The following SCAMP4 variants were observed in gnomAD, a reference collection of about 807,000 sequenced individuals.
SCAMP4 encodes the protein secretory carrier membrane protein 4.
A neutral mutation model predicts 32.1 loss-of-function variants in SCAMP4; 19 were observed. The ratio of observed to expected loss-of-function variants is 0.59; its 90% confidence interval spans 0.41 to 0.87. The LOEUF (loss-of-function observed/expected upper bound fraction) is 0.87. Among genes scored for constraint, SCAMP4 ranks in the 40% least tolerant of loss-of-function variants. The probability of loss-of-function intolerance (pLI) is 0.00; values close to 1 mark genes in which losing one functional copy is unlikely to be tolerated. For synonymous variants in SCAMP4, 152 were observed against 132.7 expected, an observed-to-expected ratio of 1.15 and a Z score of -1.00; for missense variants, 302 against 309.0, an observed-to-expected ratio of 0.98 and a Z score of 0.17.
intron 1 of SCAMP4, chr19:1,912,692 A>G: frequency 6.8e-7 from 1 of 1,474,418 alleles, no homozygotes; most frequent in Non-Finnish European, 8.9e-7. Context: ...GGGCCGTGGT[A>G]GTGGACCCGG....
At chr19:1,919,127 C>T in intron 5 of SCAMP4, 137 bp downstream of exon 5, 1 of 1,482,408 alleles carries the variant, frequency 6.7e-7, no homozygotes, top group Admixed American at 2.4e-5. Flanking sequence ...GGTCTGAGCT[C>T]ACCCTGGCAG....
chr19:1,912,349 G>A (rs1408818751), intron 1 of SCAMP4: 2 of 1,531,960 alleles, frequency 1.3e-6, no homozygotes, highest in Non-Finnish European at 1.7e-6. Flanking sequence ...CGCGATGCCG[G>A]CAGCCCCCAC....
At chr19:1,912,169 C>T (rs750783340) in intron 1 of SCAMP4, 75 of 1,574,878 alleles carry the variant, frequency 4.8e-5, no homozygotes, top group South Asian at 4.4e-4. Flanking sequence ...GAGCCGGCGC[C>T]GTGGCAGGCC....
At chr19:1,906,503 C>T (rs1265364370) in intron 1 of SCAMP4, 3 of 152,154 alleles carry the variant, frequency 2.0e-5, no homozygotes, top group Non-Finnish European at 4.4e-5. Context: ...GGCACTACTG[C>T]ATTCCAGCCT....
chr19:1,917,542 G>T (rs930962113), intron 2 of SCAMP4, among the ~76,000 whole-genome samples, 152 bp from the exon 3 acceptor site: 1 of 152,036 alleles, frequency 6.6e-6, no homozygotes, highest in African/African-American at 2.4e-5. Flanking sequence ...CTGCCACGAG[G>T]ACCCTCTCCT....
At chr19:1,923,869 C>T (rs2014004548) in intron 6 of SCAMP4, among the ~76,000 whole-genome samples, 1 of 117,628 alleles carries the variant, frequency 8.5e-6, no homozygotes, top group Non-Finnish European at 1.6e-5. Flanking sequence ...TCGTGATCCT[C>T]CCGCCTCGGC....
rs557506495 is a variant in SCAMP4, at chr19:1,917,962, C to T, written c.136+140C>T. 117 of 1,370,602 alleles carry T rather than the reference C, an allele frequency of 8.5e-5. 1 individual carries two copies. The African/African-American group carries it at 9.5e-4, about 11-fold the overall frequency. 84.9% of individuals were successfully genotyped at this position (1,370,602 alleles called of 1,614,324 possible). The stretch of plus-strand genomic sequence containing the variant: ...TGGGCCTGGTGGTCCCTGCGGTGAA[C>T]GAGGCTGGTGTCCAGGCCCCAGTGT... On this transcript the variant is annotated intron_variant, in intron 3 of 6. Coordinates refer to ENST00000316097, the MANE Select transcript of SCAMP4 (RefSeq NM_079834.4).
In SCAMP4 at chr19:1,918,936, C is replaced by G. The variant is rs552311609; in HGVS notation, c.341C>G (p.Ala114Gly). ...ATGGCGTTTTTCTTCATCTTCGGAG[C>G]CCAGTTTGTCCTGACCGTCATCCAG... ...NFMAFFFIFG[A>G]QFVLTVIQAI... is the part of the protein sequence containing the mutation. Residue 114 changes from alanine (A) to glycine (G), a missense_variant, in exon 5 of 7, where the codon GCC becomes GGC. Coordinates refer to ENST00000316097, the MANE Select transcript of SCAMP4 (RefSeq NM_079834.4). 1 of 1,612,652 alleles carries G rather than the reference C, an allele frequency of 6.2e-7. No individual in the cohort carries two copies. The highest frequency in any genetic ancestry group is 1.1e-5 in the South Asian group (1 of 90,674).
intron 1 of SCAMP4, among the ~76,000 whole-genome samples, chr19:1,914,218 G>A (rs1356542888): frequency 6.6e-6 from 1 of 152,170 alleles, no homozygotes; most frequent in African/African-American, 2.4e-5. Flanking sequence ...GGTGGCAGGC[G>A]GGCGGAGGGG....
chr19:1,918,534 G>A, intron 4 of SCAMP4: 1 of 534,904 alleles, frequency 1.9e-6, no homozygotes, highest in Non-Finnish European at 3.2e-6. Context: ...GGCCGAGGCA[G>A]GCGGATCACC....
rs561072809 is a variant in SCAMP4 at position 1,920,071 on chromosome 19, A to T, written c.395+1081A>T. The T allele has an allele frequency of 4.1e-5, 37 of 910,160 alleles. No individual in the cohort carries two copies. In the African/African-American group the frequency reaches 6.6e-4, roughly 16 times the overall value. The allele number at this position is 910,160 out of a possible 1,614,324, so 56.4% of individuals were successfully genotyped here. ...CGTGATCCACCCGCCTCGGCCTCCC[A>T]AAGTGCTGGGATTACAGGCGTGAGC... On this transcript the variant is annotated intron_variant, in intron 5 of 6. Transcript: ENST00000316097.
rs945887008 is a variant in SCAMP4, at chr19:1,920,187, G to A, written c.395+1197G>A. The A allele has an allele frequency of 2.4e-5, 24 of 985,286 alleles. No homozygotes were observed. The African/African-American group carries it at 3.3e-4, about 14-fold the overall frequency. 61.0% of individuals were successfully genotyped at this position (985,286 alleles called of 1,614,324 possible). A position where few individuals can be genotyped will look rare whatever the true frequency, so the allele number is the denominator to read the frequency against. On this transcript the variant is annotated intron_variant, in intron 5 of 6. Transcript: ENST00000316097. ...TCAGTTGCAGAGAGTGACTGTTCTC[G>A]CCCACGTCCCCGACGTGTCTCCCTT... is the stretch of plus-strand genomic sequence containing the variant.
chr19:1,924,646 C>T lies in SCAMP4; in HGVS notation c.*362C>T, dbSNP rs1207150130. ...GGTGGCAGCAGGTCGGCCGCCCTCC[C>T]GTCCTCCCAGAGCTGCTGGCGCTGA... On this transcript the variant is annotated 3_prime_UTR_variant, in exon 7 of 7. Transcript: ENST00000316097. The T allele has an allele frequency of 1.7e-5, 5 of 290,694 alleles. No homozygotes were observed. Among genetic ancestry groups the T allele is most frequent in the East Asian group, 7.0e-5 (1 of 14,372 alleles). 18.0% of individuals were successfully genotyped at this position (290,694 alleles called of 1,614,324 possible).
chr19:1,923,049 G>T (rs753866131), intron 5 of SCAMP4, 21 bp from the exon 6 acceptor site: 14 of 1,527,306 alleles, frequency 9.2e-6, no homozygotes, highest in Admixed American at 8.2e-5. Flanking sequence ...AGGCACCCAC[G>T]CACTCTCTTG....
In SCAMP4 at chr19:1,908,433, G is replaced by C. The variant is rs1425408017; in HGVS notation, c.-42+2994G>C. The C allele has an allele frequency of 2.1e-6, 1 of 466,984 alleles. No individual in the cohort carries two copies. Among genetic ancestry groups the C allele is most frequent in the Admixed American group, 2.4e-5 (1 of 42,376 alleles). 28.9% of individuals were successfully genotyped at this position (466,984 alleles called of 1,614,324 possible). On this transcript the variant is annotated intron_variant, in intron 1 of 6. Transcript: ENST00000316097. This position sits in a 1 kb window ranked among gnomAD's most constrained non-coding sequence, Gnocchi z 4.2. ...TGGACCAGGCAGTGCATGTCGAGGA[G>C]TAGCACCCACAGCTGCGCGGCTGCG...
Position 1,918,145 on chromosome 19 carries a change from G to T in SCAMP4, c.155G>T (p.Gly52Val), listed in dbSNP as rs756927324. 3 of 1,612,566 alleles carry T rather than the reference G, an allele frequency of 1.9e-6. No individual in the cohort carries two copies. Among genetic ancestry groups the T allele is most frequent in the Non-Finnish European group, 1.7e-6 (2 of 1,179,594 alleles). The change falls in exon 4 of 7, where the codon GGC (glycine) becomes GTC (valine). Residue 52 changes from glycine (G) to valine (V), a missense_variant. Physicochemically the swap from Gly to Val is moderately radical, Grantham distance 109. Transcript: ENST00000316097. Reference sequence around the variant, plus strand: ...TTCGCAGTTTACTGCGCCACCCTCGGCGTCAACCTCATTGCCTGCCTGGCC... The same window carrying T: ...TTCGCAGTTTACTGCGCCACCCTCGTCGTCAACCTCATTGCCTGCCTGGCC... ...RLWMFYCATL[G>V]VNLIACLAWW...
chr19:1,909,393 C>G (rs1228836405), intron 1 of SCAMP4, among the ~76,000 whole-genome samples: 1 of 152,192 alleles, frequency 6.6e-6, no homozygotes, highest in Non-Finnish European at 1.5e-5. Context: ...ATCCCGAGAG[C>G]TGGGGGCCCC....
rs144595321 is a variant in SCAMP4 at position 1,918,194 on chromosome 19, G to C, written c.204G>C (p.Gly68=). 6.2e-7 allele frequency: 1 copy of C among 1,612,534 alleles called. No individual in the cohort carries two copies. The highest frequency in any genetic ancestry group is 1.7e-5 in the Admixed American group (1 of 60,028). Residue 68 remains glycine (G), a synonymous_variant, in exon 4 of 7, where the codon GGG becomes GGC. Transcript: ENST00000316097. ...CLAWWIGGGS[G]TNFGLAFVWL... ...CCTGGTGGATCGGCGGAGGCTCGGG[G>C]ACCAACTTCGGCCTGGCCTTCGTGT...
Position 1,919,414 on chromosome 19 carries a change from AACTC to A in SCAMP4, c.395+427_395+430del, listed in dbSNP as rs1047429794. ...CCTGGTGCTGTTACCACACCTGAGA[AACTC>A]ACAGTCACTCTCTAAGGCTGCCAGG... On this transcript the variant is annotated intron_variant, in intron 5 of 6. Transcript: ENST00000316097. 4.1e-6 allele frequency: 4 copies of A among 985,172 alleles called. No individual in the cohort carries two copies. In the African/African-American group the frequency reaches 7.0e-5, roughly 17 times the overall value. 61.0% of individuals were successfully genotyped at this position (985,172 alleles called of 1,614,324 possible).
Sources: gnomAD v4.1 joint callset for allele counts (sites outside exome capture counted in the v4.1 genomes callset) on GRCh38, gnomAD v4.1.1 for gene constraint, Gnocchi (gnomAD v3.1) non-coding constraint, MANE v1.5 for transcripts, NCBI Gene and HGNC (gene_info 2026-07-23, HGNC 2026-07-21) for gene names.